Variants in GAB4 observed in about 807,000 individuals in gnomAD.
GAB4 encodes the protein GRB2 associated binding protein family member 4.
A neutral mutation model predicts 51.3 loss-of-function variants in GAB4; 26 were observed. The observed-to-expected ratio is 0.51, with a 90% CI of 0.37 to 0.70. The LOEUF is 0.70. Ranked by LOEUF, GAB4 falls within the 30% of genes least tolerant of loss-of-function variation. The pLI is 0.00. For synonymous variants in GAB4, 329 were observed against 291.2 expected (o/e 1.13, Z -1.32); for missense variants, 759 against 734.6 (o/e 1.03, Z -0.38).
chr22:16,981,725 C>G (rs2060828912), intron 3 of GAB4, among the ~76,000 whole-genome samples: 1 of 152,114 alleles, frequency 6.6e-6, no homozygotes, highest in African/African-American at 2.4e-5. Flanking sequence ...CAAACTATTC[C>G]AAAATGTTGA....
intron 3 of GAB4, among the ~76,000 whole-genome samples, chr22:16,980,854 G>A (rs1394716100): frequency 1.3e-5 from 2 of 152,130 alleles, no homozygotes; most frequent in Non-Finnish European, 2.9e-5. Flanking sequence ...CACGTCCTTT[G>A]CAGGGACATG....
intron 1 of GAB4, among the ~76,000 whole-genome samples, chr22:16,999,227 C>T (rs1274810333): frequency 1.3e-5 from 2 of 152,198 alleles, no homozygotes; most frequent in Non-Finnish European, 2.9e-5. Context: ...ACCAGCTCCT[C>T]TTGGTACCTC....
At chr22:16,983,991 G>C (rs1347921850) in intron 3 of GAB4, among the ~76,000 whole-genome samples, 1 of 151,968 alleles carries the variant, frequency 6.6e-6, no homozygotes, top group Non-Finnish European at 1.5e-5. Context: ...GTATAGCAAA[G>C]GAAAAAATTA....
intron 2 of GAB4, among the ~76,000 whole-genome samples, chr22:16,989,797 A>G (rs1021994097): frequency 1.3e-5 from 2 of 152,188 alleles, no homozygotes; most frequent in Non-Finnish European, 2.9e-5. Flanking sequence ...CAATGGAGCT[A>G]TTCTTCAGGG....
In GAB4 at chr22:16,966,261, C is replaced by T. The variant is rs765259087; in HGVS notation, c.1127G>A (p.Gly376Asp). The T allele has an allele frequency of 1.2e-6, 2 of 1,614,000 alleles. No individual in the cohort carries two copies. Among genetic ancestry groups the T allele is most frequent in the South Asian group, 2.2e-5 (2 of 91,088 alleles). ...GATGCAGACACCCTGGGAATCATCG[C>T]CTGCTTGCTTCACAGCCGGCAGGGT... ...SPTLPAVKQA[G>D]DDSQGVCIPV... Residue 376 changes from glycine to aspartate, a missense_variant, in exon 6 of 10, where the codon GGC becomes GAC. Physicochemically the swap from Gly to Asp is moderately conservative, Grantham distance 94 (BLOSUM62 -1). Coordinates refer to ENST00000400588, the MANE Select transcript of GAB4 (RefSeq NM_001037814.1).
intron 3 of GAB4, among the ~76,000 whole-genome samples, chr22:16,978,066 A>G (rs1191145869): frequency 5.3e-5 from 3 of 56,676 alleles, no homozygotes; most frequent in South Asian, 7.3e-4. Flanking sequence ...CTAAAGGCCC[A>G]TAAGAGAAAG....
chr22:17,000,952 T>C (rs1221078477), intron 1 of GAB4, among the ~76,000 whole-genome samples: 1 of 152,242 alleles, frequency 6.6e-6, no homozygotes, highest in Non-Finnish European at 1.5e-5. Flanking sequence ...TCTTTAAGAA[T>C]GTTGAATATT....
chr22:16,965,078 A>C, intron 7 of GAB4, 100 bp downstream of exon 7: 3 of 902,360 alleles, frequency 3.3e-6, no homozygotes, highest in Non-Finnish European at 5.2e-6. Context: ...GTCCACATCG[A>C]CATGAGCATC....
In GAB4 at chr22:16,966,367, AG is replaced by A; in HGVS notation, c.1024-4del. The A allele has an allele frequency of 1.2e-6, 2 of 1,610,032 alleles. No individual in the cohort carries two copies. Among genetic ancestry groups the A allele is most frequent in the Non-Finnish European group, 1.7e-6 (2 of 1,177,500 alleles). ...AGGCCCACAAGCGTTCTTCCTGGCT[AG>A]GAAGAGGACAGTGAAAGAAACACAG... On this transcript the variant is annotated splice_region_variant and splice_polypyrimidine_tract_variant and intron_variant, in intron 5 of 9. Coordinates refer to ENST00000400588, the MANE Select transcript of GAB4 (RefSeq NM_001037814.1).
chr22:16,973,832 A>T (rs1393935569), intron 3 of GAB4, among the ~76,000 whole-genome samples: 1 of 152,156 alleles, frequency 6.6e-6, no homozygotes, highest in African/African-American at 2.4e-5. Flanking sequence ...CCATCAGAAC[A>T]TGGACCTTGC....
In GAB4 at chr22:16,986,614, C is replaced by A. The variant is rs572928700; in HGVS notation, c.686+1346G>T. ...AAGTGGCAGAACCTCAATTTGAAAC[C>A]ATATCTGGCCGATGCCAAGCCTGTG... is the stretch of plus-strand genomic sequence containing the variant. On this transcript the variant is annotated intron_variant, in intron 3 of 9. Transcript: ENST00000400588. Among the ~76,000 whole-genome samples, 13 of 152,326 alleles carry A rather than the reference C, an allele frequency of 8.5e-5. No homozygotes were observed. In the East Asian group the frequency reaches 2.3e-3, roughly 27 times the overall value.
In GAB4 at chr22:16,973,006, C is replaced by G. The variant is rs181722468; in HGVS notation, c.687-2813G>C. ...CCCCAGCGTGCTCCTCTCAGTGACA[C>G]TTCTGGGCTTTGTCCTGTTGTCAGC... On this transcript the variant is annotated intron_variant, in intron 3 of 9. Transcript: ENST00000400588. Among the ~76,000 whole-genome samples, 36 of 152,324 alleles carry G rather than the reference C, an allele frequency of 2.4e-4. No individual in the cohort carries two copies. The East Asian group carries it at 6.9e-3, about 29-fold the overall frequency.
At chr22:16,994,487 T>C (rs566720805) in intron 1 of GAB4, among the ~76,000 whole-genome samples, 61 of 152,360 alleles carry the variant, frequency 4.0e-4, no homozygotes, top group Admixed American at 1.4e-3. Flanking sequence ...TATATACATG[T>C]AGTGTGAGCA....
chr22:16,996,627 A>T (rs1277344859), intron 1 of GAB4, among the ~76,000 whole-genome samples: 1 of 152,154 alleles, frequency 6.6e-6, no homozygotes, highest in Admixed American at 6.5e-5. Context: ...GAAACCTTAC[A>T]AGCCAAAAGA....
In GAB4 at chr22:17,008,164, T is replaced by C; in HGVS notation, c.-50A>G. The C allele has an allele frequency of 7.4e-7, 1 of 1,358,584 alleles. No individual in the cohort carries two copies. Among genetic ancestry groups the C allele is most frequent in the East Asian group, 2.4e-5 (1 of 41,462 alleles). The allele number at this position is 1,358,584 out of a possible 1,614,324, so 84.2% of individuals were successfully genotyped here. A position where few individuals can be genotyped will look rare whatever the true frequency, so the allele number is the denominator to read the frequency against. The stretch of plus-strand genomic sequence containing the variant: ...TGGGGGAGACAGGGCGAGAGGGCGT[T>C]GCTGGAGGTGGGGTGTGAGGGACGG... On this transcript the variant is annotated 5_prime_UTR_variant, in exon 1 of 10. Transcript: ENST00000400588.
chr22:16,965,278 G>A lies in GAB4; in HGVS notation c.1289-10C>T. On this transcript the variant is annotated splice_polypyrimidine_tract_variant and intron_variant, in intron 6 of 9. Transcript: ENST00000400588. ...GGCGGTGTTGGGTTGGCTGGAGCAG[G>A]AAAAGAACCTTGTCATCAGCCAGTG... The A allele has an allele frequency of 6.2e-7, 1 of 1,609,354 alleles. No homozygotes were observed. The highest frequency in any genetic ancestry group is 8.5e-7 in the Non-Finnish European group (1 of 1,175,990).
chr22:16,972,411 C>T (rs1239458243), intron 3 of GAB4, among the ~76,000 whole-genome samples: 5 of 152,178 alleles, frequency 3.3e-5, no homozygotes, highest in Non-Finnish European at 7.3e-5. Flanking sequence ...TTGGAAACAG[C>T]AAGATGCAGA....
At chr22:16,975,460 A>G (rs2123669328) in intron 3 of GAB4, among the ~76,000 whole-genome samples, 1 of 152,250 alleles carries the variant, frequency 6.6e-6, no homozygotes, top group South Asian at 2.1e-4. Flanking sequence ...GCCTCTCTAG[A>G]TTCTTCCTCT....
intron 1 of GAB4, among the ~76,000 whole-genome samples, chr22:16,994,730 T>C (rs923766389): frequency 3.9e-5 from 6 of 152,250 alleles, no homozygotes; most frequent in African/African-American, 1.4e-4. Context: ...CTTTTGAGAA[T>C]AAAGACAACT....
Sources: gnomAD v4.1 joint callset for allele counts (sites outside exome capture counted in the v4.1 genomes callset) on GRCh38, gnomAD v4.1.1 for gene constraint, MANE v1.5 for transcripts, NCBI Gene and HGNC (gene_info 2026-07-23, HGNC 2026-07-21) for gene names.